AOPEP: variants seen among roughly 807,000 people sequenced by gnomAD.
AOPEP encodes aminopeptidase O (putative).
AOPEP carries 77 observed loss-of-function variants against 98.1 expected under a neutral mutation model. The observed-to-expected ratio is 0.78, with a 90% confidence interval of 0.65 to 0.95. The LOEUF (loss-of-function observed/expected upper bound fraction) is 0.95, where lower values mean the gene tolerates loss of function less well. Ranked by LOEUF, AOPEP falls within the 40% of genes least tolerant of loss-of-function variation. The probability of loss-of-function intolerance (pLI) is 0.00; values close to 1 mark genes in which losing one functional copy is unlikely to be tolerated. For missense variants in AOPEP, 1,024 were observed against 1,024.7 expected (o/e 1.00, Z 0.01); for synonymous variants, 346 against 365.3 (o/e 0.95, Z 0.60).
chr9:94,924,877 A>G (rs1203497295), intron 6 of AOPEP, among the ~76,000 whole-genome samples: 2 of 152,232 alleles, frequency 1.3e-5, no homozygotes, highest in Admixed American at 6.5e-5. Context: ...CAGAAGCCAG[A>G]CCTGGTGCAC....
At chr9:94,902,863 C>T (rs981277968) in intron 5 of AOPEP, among the ~76,000 whole-genome samples, 2 of 151,928 alleles carry the variant, frequency 1.3e-5, no homozygotes, top group African/African-American at 4.8e-5. Flanking sequence ...TGAGACCAGC[C>T]TGATCAACAT....
chr9:95,019,782 C>T (rs2063312234), intron 13 of AOPEP: 1 of 152,214 alleles, frequency 6.6e-6, no homozygotes, highest in African/African-American at 2.4e-5. Flanking sequence ...TCAGGAAGAA[C>T]TGAAAAGTTC....
chr9:95,111,486 T>G, the AOPEP span: 1 of 1,613,690 alleles, frequency 6.2e-7, no homozygotes, highest in Admixed American at 1.7e-5. Context: ...CTCTGCTGCC[T>G]CCCATCACGG....
intron 11 of AOPEP, among the ~76,000 whole-genome samples, chr9:95,002,010 C>T (rs904247829): frequency 1.3e-5 from 2 of 151,280 alleles, no homozygotes; most frequent in African/African-American, 4.9e-5. Context: ...AACTCTTAGG[C>T]TCAAGAGATC....
chr9:94,940,990 G>C (rs1331655043), intron 7 of AOPEP, among the ~76,000 whole-genome samples: 1 of 151,698 alleles, frequency 6.6e-6, no homozygotes, highest in Non-Finnish European at 1.5e-5. Flanking sequence ...TTAAGAGAAT[G>C]TTAAAAAAAA....
In AOPEP at chr9:95,082,888, A is replaced by G. The variant is rs189167609; in HGVS notation, c.*4+169A>G. 1.8e-3 allele frequency: 1,301 copies of G among 711,242 alleles called. 2 individuals are homozygous for G. The highest frequency in any genetic ancestry group is 3.4e-3 in the South Asian group (176 of 51,154). 44.1% of individuals were successfully genotyped at this position (711,242 alleles called of 1,614,324 possible). ...CTGGCCAAGTGGGTGCTGGGCTGGT[A>G]TGGGAGCCCCGGGTCCCTGGAGCAC... On this transcript the variant is annotated intron_variant, in intron 16 of 16. Transcript: ENST00000375315.
the AOPEP span, among the ~76,000 whole-genome samples, chr9:95,097,584 G>A: frequency 2.6e-5 from 4 of 152,216 alleles, no homozygotes; most frequent in African/African-American, 4.8e-5. Context: ...CTCACACCAG[G>A]CCTCATCAGC....
chr9:95,130,229 CAAG>C, the AOPEP span, among the ~76,000 whole-genome samples: 5 of 151,320 alleles, frequency 3.3e-5, no homozygotes, highest in African/African-American at 4.9e-5. Flanking sequence ...GGCCTGAGAA[CAAG>C]AAGAACAGAA....
chr9:95,129,166 G>T, the AOPEP span, among the ~76,000 whole-genome samples: 1 of 152,200 alleles, frequency 6.6e-6, no homozygotes, highest in East Asian at 1.9e-4. Context: ...AGTCTCCCTT[G>T]CTACCCCTAC....
At chr9:94,858,010 A>C (rs2044446728) in intron 5 of AOPEP, among the ~76,000 whole-genome samples, 1 of 151,886 alleles carries the variant, frequency 6.6e-6, no homozygotes, top group South Asian at 2.1e-4. Flanking sequence ...AACTCCTGGG[A>C]CTAAGCAAGT....
At chr9:95,013,149 A>G (rs532980332) in intron 13 of AOPEP, among the ~76,000 whole-genome samples, 3 of 152,172 alleles carry the variant, frequency 2.0e-5, no homozygotes, top group South Asian at 2.1e-4. Context: ...CAGTAGGCCA[A>G]TTAAACCCAT....
At chr9:94,818,790 C>G (rs551334722) in intron 5 of AOPEP, among the ~76,000 whole-genome samples, 1 of 152,112 alleles carries the variant, frequency 6.6e-6, no homozygotes, top group African/African-American at 2.4e-5. Flanking sequence ...GTCAGGAGAT[C>G]GAGACCATCC....
chr9:95,004,960 GC>G (rs1009432259), intron 11 of AOPEP, 197 bp from the exon 12 acceptor site: 1 of 146,126 alleles, frequency 6.8e-6, no homozygotes, highest in African/African-American at 2.5e-5. Flanking sequence ...CGCCGCCCAG[GC>G]CCCGCGCCCG....
chr9:94,833,320 C>G (rs2041150462), intron 5 of AOPEP, among the ~76,000 whole-genome samples: 1 of 142,544 alleles, frequency 7.0e-6, no homozygotes, highest in Non-Finnish European at 1.5e-5. Context: ...TCACGGCAAC[C>G]TTTGCCTCCT....
rs371382491 is a variant in AOPEP, at chr9:95,062,480, C to T, written c.2232+1670C>T. Among the ~76,000 whole-genome samples the T allele has an allele frequency of 2.4e-4, 36 of 152,170 alleles. No homozygotes were observed. The East Asian group carries it at 2.5e-3, about 11-fold the overall frequency. ...AGTTTTGTTGGCTGAGCAGCGTGTT[C>T]GGGATGTAGCGGCTGCAAGTGAGAA... On this transcript the variant is annotated intron_variant, in intron 14 of 16. Coordinates refer to ENST00000375315, the MANE Select transcript of AOPEP (RefSeq NM_001193329.3).
At position 95,005,540 on chromosome 9, in the gene AOPEP, A is replaced by G. The variant is rs764613390; in HGVS notation, c.2041-2A>G. On this transcript the variant is annotated splice_acceptor_variant, in intron 12 of 16. Transcript: ENST00000375315. LOFTEE classifies it high-confidence loss of function. Reference sequence around the variant, plus strand: ...TGAAATGCTGTGGTTTTTGAACCTCAGGTCACGAAATGGATTGGAGTGAAC... The same window carrying G: ...TGAAATGCTGTGGTTTTTGAACCTCGGGTCACGAAATGGATTGGAGTGAAC... 2.5e-6 allele frequency: 4 copies of G among 1,613,550 alleles called. No homozygotes were observed. Among genetic ancestry groups the G allele is most frequent in the Admixed American group, 3.3e-5 (2 of 59,998 alleles).
chr9:94,826,971 C>T (rs1178340909), intron 5 of AOPEP, among the ~76,000 whole-genome samples: 1 of 152,200 alleles, frequency 6.6e-6, no homozygotes, highest in African/African-American at 2.4e-5. Context: ...TCCCTTCCCT[C>T]TACATAACAT....
the AOPEP span, chr9:95,150,092 G>C: frequency 6.2e-7 from 1 of 1,613,908 alleles, no homozygotes; most frequent in Non-Finnish European, 8.5e-7. Context: ...GCCATTCTAT[G>C]GAAGAAATAA....
intron 14 of AOPEP, among the ~76,000 whole-genome samples, chr9:95,069,730 A>G (rs2068284885): frequency 6.6e-6 from 1 of 152,236 alleles, no homozygotes; most frequent in African/African-American, 2.4e-5. Context: ...TTGTCATCAC[A>G]CTTGACCCTC....
Sources: allele counts gnomAD v4.1 joint callset (sites outside exome capture counted in the v4.1 genomes callset), GRCh38; gene constraint gnomAD v4.1.1; transcripts MANE v1.5; gene names NCBI Gene and HGNC (gene_info 2026-07-23, HGNC 2026-07-21).